LCLAT1: variants seen among roughly 807,000 people sequenced by gnomAD.
LCLAT1 encodes lysocardiolipin acyltransferase 1, also known as 1-AGP acyltransferase 8.
Under a neutral mutation model 30.7 loss-of-function variants are expected in LCLAT1, and 11 were observed. The observed-to-expected ratio is 0.36, with a 90% CI of 0.23 to 0.59. The LOEUF (loss-of-function observed/expected upper bound fraction) is 0.59. LCLAT1 is among the 20% of genes least tolerant of loss of function. The pLI is 0.77. For missense variants in LCLAT1, 402 were observed against 458.6 expected (o/e 0.88, Z 1.13); for synonymous variants, 155 against 151.3 (o/e 1.02, Z -0.18).
At chr2:30,487,196 T>C (rs57783905) in intron 1 of LCLAT1, among the ~76,000 whole-genome samples, 1 of 152,312 alleles carries the variant, frequency 6.6e-6, no homozygotes, top group East Asian at 1.9e-4. Flanking sequence ...GTATTTCCCA[T>C]GGTACCCAGC....
chr2:30,455,156 ACTTT>A (rs1436249524), intron 1 of LCLAT1, among the ~76,000 whole-genome samples: 5 of 152,136 alleles, frequency 3.3e-5, no homozygotes. Flanking sequence ...TTTTATCTAT[ACTTT>A]CTTTAACTGT....
chr2:30,521,129 G>T (rs1685447359), intron 1 of LCLAT1, among the ~76,000 whole-genome samples: 1 of 152,146 alleles, frequency 6.6e-6, no homozygotes, highest in Non-Finnish European at 1.5e-5. Flanking sequence ...GGTCCTCACT[G>T]CTACACTTCC....
Position 30,608,312 on chromosome 2 carries a change from A to AG in LCLAT1, c.629-31805_629-31804insG, listed in dbSNP as rs1310585450. On this transcript the variant is annotated intron_variant, in intron 5 of 5. Coordinates refer to ENST00000379509, the MANE Select transcript of LCLAT1 (RefSeq NM_001002257.3). ...TGAGACTCCATCTCAAAAAAAAAAA[A>AG]AAATTTATAAGTTTAGAGTAAAAAA... Among the ~76,000 whole-genome samples the AG allele has an allele frequency of 2.0e-5, 3 of 151,994 alleles. No homozygotes were observed. In the East Asian group the frequency reaches 5.8e-4, roughly 29 times the overall value.
At chr2:30,450,909 A>G (rs1036941) in intron 1 of LCLAT1, among the ~76,000 whole-genome samples, 1 of 152,172 alleles carries the variant, frequency 6.6e-6, no homozygotes, top group Non-Finnish European at 1.5e-5. Context: ...GACACCACTA[A>G]GAAAATGAAG....
intron 5 of LCLAT1, among the ~76,000 whole-genome samples, chr2:30,628,936 T>C (rs953471796): frequency 1.1e-4 from 16 of 152,088 alleles, no homozygotes; most frequent in East Asian, 9.6e-4. Context: ...ATGAAGTCAA[T>C]TGATAGATAA....
intron 1 of LCLAT1, among the ~76,000 whole-genome samples, chr2:30,456,771 C>T (rs1336182182): frequency 2.0e-5 from 3 of 152,154 alleles, no homozygotes; most frequent in Non-Finnish European, 4.4e-5. Flanking sequence ...ACCTGGTTTG[C>T]CTTATCTGTA....
At chr2:30,547,414 A>C (rs1319927657) in intron 3 of LCLAT1, among the ~76,000 whole-genome samples, 2 of 152,198 alleles carry the variant, frequency 1.3e-5, no homozygotes, top group African/African-American at 4.8e-5. Flanking sequence ...GTATTTTACT[A>C]ATCTTAACAG....
chr2:30,612,638 A>G (rs1667793057), intron 5 of LCLAT1, among the ~76,000 whole-genome samples: 1 of 152,206 alleles, frequency 6.6e-6, no homozygotes, highest in Non-Finnish European at 1.5e-5. Context: ...GGCTTGGCAA[A>G]GAATGTCTCA....
At chr2:30,560,836 C>T (rs902332274) in intron 3 of LCLAT1, among the ~76,000 whole-genome samples, 3 of 152,098 alleles carry the variant, frequency 2.0e-5, no homozygotes, top group Admixed American at 6.5e-5. Context: ...CATGGATATC[C>T]AAGAGGTGGA....
chr2:30,546,584 A>G (rs1484720929), intron 3 of LCLAT1, among the ~76,000 whole-genome samples: 1 of 152,344 alleles, frequency 6.6e-6, no homozygotes, highest in African/African-American at 2.4e-5. Context: ...AAACATTACA[A>G]TAAATTTGTG....
chr2:30,537,521 TACACACACAC>T (rs58394759), intron 3 of LCLAT1, among the ~76,000 whole-genome samples: 2 of 149,106 alleles, frequency 1.3e-5, no homozygotes, highest in Admixed American at 6.7e-5. Context: ...CAATTGTAAA[TACACACACAC>T]ACACACACAC....
chr2:30,485,283 G>A (rs1444363403), intron 1 of LCLAT1, among the ~76,000 whole-genome samples: 2 of 152,134 alleles, frequency 1.3e-5, no homozygotes, highest in Non-Finnish European at 2.9e-5. Context: ...TATAGCTAAC[G>A]TTTACATGAC....
chr2:30,492,560 A>T (rs1683886846), intron 1 of LCLAT1, among the ~76,000 whole-genome samples: 1 of 151,288 alleles, frequency 6.6e-6, no homozygotes. Context: ...TAAGAAGTTA[A>T]GAGTTGGGGC....
At chr2:30,476,307 C>T (rs139451911) in intron 1 of LCLAT1, 12 of 445,362 alleles carry the variant, frequency 2.7e-5, no homozygotes, top group Admixed American at 4.7e-5. Context: ...CAGGGTCACA[C>T]AGTAAGTGTT....
intron 2 of LCLAT1, among the ~76,000 whole-genome samples, chr2:30,526,000 G>C (rs940072780): frequency 1.3e-5 from 2 of 152,156 alleles, no homozygotes; most frequent in African/African-American, 4.8e-5. Context: ...AAAAATCTGT[G>C]CATCCTCAGT....
At chr2:30,469,110 G>A (rs1488612059) in intron 1 of LCLAT1, among the ~76,000 whole-genome samples, 1 of 152,060 alleles carries the variant, frequency 6.6e-6, no homozygotes, top group Non-Finnish European at 1.5e-5. Context: ...TTGTCTTTTT[G>A]TTGTTGAGTT....
At chr2:30,481,282 C>T (rs970209175) in intron 1 of LCLAT1, among the ~76,000 whole-genome samples, 2 of 152,130 alleles carry the variant, frequency 1.3e-5, no homozygotes, top group Non-Finnish European at 2.9e-5. Flanking sequence ...TAAGATTACA[C>T]GCAAGTGTTA....
At chr2:30,455,886 G>A (rs1681809308) in intron 1 of LCLAT1, among the ~76,000 whole-genome samples, 1 of 138,216 alleles carries the variant, frequency 7.2e-6, no homozygotes, top group Non-Finnish European at 1.5e-5. Context: ...CTCCAGCCTG[G>A]GTGACGGAGT....
intron 1 of LCLAT1, among the ~76,000 whole-genome samples, chr2:30,522,419 C>T (rs1264738307): frequency 6.6e-6 from 1 of 151,886 alleles, no homozygotes; most frequent in Non-Finnish European, 1.5e-5. Flanking sequence ...GTATAGCTAG[C>T]ATAATTTGGA....
Sources: gnomAD v4.1 joint callset for allele counts (sites outside exome capture counted in the v4.1 genomes callset) on GRCh38, gnomAD v4.1.1 for gene constraint, MANE v1.5 for transcripts, NCBI Gene and HGNC (gene_info 2026-07-23, HGNC 2026-07-21) for gene names.